RILPL2: variants seen among roughly 807,000 people sequenced by gnomAD.
RILPL2 encodes Rab interacting lysosomal protein like 2.
Under a neutral mutation model 22.2 loss-of-function variants are expected in RILPL2, and 19 were observed. That is an observed-to-expected ratio of 0.86 (90% CI 0.60 to 1.25). The LOEUF (loss-of-function observed/expected upper bound fraction) is 1.25. Ranked by LOEUF, RILPL2 falls within the 50% of genes most tolerant of loss-of-function variation. RILPL2 has a pLI of 0.00. For synonymous variants in RILPL2, 123 were observed against 111.6 expected (o/e 1.10, Z -0.64); for missense variants, 243 against 263.6 (o/e 0.92, Z 0.54).
chr12:123,421,065 CAG>C (rs542559584), intron 3 of RILPL2, among the ~76,000 whole-genome samples: 361 of 145,606 alleles, frequency 2.5e-3, no homozygotes, highest in Admixed American at 3.6e-3. Context: ...TTTTTTGAGA[CAG>C]GGTCTCACTC....
downstream of RILPL2, among the ~76,000 whole-genome samples, chr12:123,410,255 C>A (rs1450811660): frequency 6.6e-6 from 1 of 152,176 alleles, no homozygotes; most frequent in Non-Finnish European, 1.5e-5. Flanking sequence ...CTTGATGATT[C>A]TCAGGAGGCT....
intron 1 of RILPL2, among the ~76,000 whole-genome samples, chr12:123,432,998 A>G (rs1879694162): frequency 6.6e-6 from 1 of 152,122 alleles, no homozygotes; most frequent in South Asian, 2.1e-4. Flanking sequence ...GAAGAAGAAG[A>G]AGAAGAAGAA....
chr12:123,428,428 G>A (rs960972558), intron 2 of RILPL2, among the ~76,000 whole-genome samples: 2 of 152,142 alleles, frequency 1.3e-5, no homozygotes, highest in African/African-American at 2.4e-5. Flanking sequence ...GAGCCACCGC[G>A]CCCGGCCCTG....
intron 3 of RILPL2, among the ~76,000 whole-genome samples, chr12:123,419,661 A>C (rs903028818): frequency 3.4e-5 from 5 of 147,142 alleles, no homozygotes; most frequent in Non-Finnish European, 5.9e-5. Context: ...GCTGGAGTGC[A>C]GGGGTGTGAT....
At chr12:123,434,954 C>G (rs1364999856) in intron 1 of RILPL2, among the ~76,000 whole-genome samples, 1 of 150,744 alleles carries the variant, frequency 6.6e-6, no homozygotes, top group Non-Finnish European at 1.5e-5. Context: ...GTGGGTGGGT[C>G]ACTTGAGGCC....
intron 3 of RILPL2, among the ~76,000 whole-genome samples, chr12:123,417,705 C>T (rs1879157232): frequency 6.6e-6 from 1 of 152,210 alleles, no homozygotes; most frequent in Non-Finnish European, 1.5e-5. Context: ...CCTGCCTCAG[C>T]CTCCTGAGTA....
intron 1 of RILPL2, among the ~76,000 whole-genome samples, chr12:123,433,977 A>T (rs1289546336): frequency 2.6e-5 from 4 of 152,196 alleles, no homozygotes; most frequent in Non-Finnish European, 5.9e-5. Flanking sequence ...AAATTACTTA[A>T]CTGTTCTGTG....
At chr12:123,432,179 A>G (rs961758426) in intron 1 of RILPL2, among the ~76,000 whole-genome samples, 7 of 152,038 alleles carry the variant, frequency 4.6e-5, no homozygotes, top group African/African-American at 1.4e-4. Flanking sequence ...TTACAGGCAT[A>G]AGCCACCACG....
At position 123,436,331 on chromosome 12, in the gene RILPL2, GC is replaced by G; in HGVS notation, c.89del (p.Gly30AlafsTer7). On this transcript the variant is annotated frameshift_variant, in exon 1 of 4. Coordinates refer to ENST00000280571, the MANE Select transcript of RILPL2 (RefSeq NM_145058.3). LOFTEE classifies it high-confidence loss of function. This position sits in a 1 kb window ranked among gnomAD's most constrained non-coding sequence, Gnocchi z 6.7. ...RDEVGPEGAL[G>X]KSPFQLTAED... ...CGGCGGTCAGCTGGAAGGGGCTCTT[GC>G]CCAGCGCCCCCTCGGGCCCAACCTC... 6.4e-7 allele frequency: 1 copy of G among 1,572,884 alleles called. No homozygotes were observed.
intron 1 of RILPL2, among the ~76,000 whole-genome samples, chr12:123,434,718 A>G (rs1449228507): frequency 6.6e-6 from 1 of 151,618 alleles, no homozygotes; most frequent in Non-Finnish European, 1.5e-5. Context: ...GAGTCACAGC[A>G]CCCAGCCAGA....
intron 3 of RILPL2, among the ~76,000 whole-genome samples, chr12:123,421,191 G>A (rs1879273091): frequency 6.6e-6 from 1 of 151,660 alleles, no homozygotes; most frequent in African/African-American, 2.4e-5. Context: ...TAAGGCGAAC[G>A]CCACTACCAC....
rs148837569 is a variant in RILPL2 at position 123,436,392 on chromosome 12, T to C, written c.29A>G (p.Glu10Gly). Residue 10 changes from glutamate (E) to glycine (G), a missense_variant, in exon 1 of 4, where the codon GAA (glutamate) becomes GGA (glycine). Physicochemically the swap from Glu to Gly is moderately conservative, Grantham distance 98. Coordinates refer to ENST00000280571, the MANE Select transcript of RILPL2 (RefSeq NM_145058.3). This position sits in a 1 kb window ranked among gnomAD's most constrained non-coding sequence, Gnocchi z 6.7. ...CTCGTCCTCCTCTCCCTCCTCCTCTTCCTCTTCTCGCACAGGGGGCTCCTC... is the reference window on the plus strand; with the variant it reads ...CTCGTCCTCCTCTCCCTCCTCCTCTCCCTCTTCTCGCACAGGGGGCTCCTC... Reference protein sequence around the residue: MEEPPVREEEEEEGEEDEER... With the variant: MEEPPVREEGEEEGEEDEER... 9.7e-6 allele frequency: 15 copies of C among 1,550,560 alleles called. No homozygotes were observed. In the African/African-American group the frequency reaches 1.4e-4, roughly 14 times the overall value.
intron 3 of RILPL2, among the ~76,000 whole-genome samples, chr12:123,417,538 C>T (rs568413360): frequency 2.0e-5 from 3 of 152,240 alleles, no homozygotes; most frequent in East Asian, 3.9e-4. Context: ...TCCAATCCCA[C>T]CTCCATTCTC....
At chr12:123,410,851 G>A (rs558320342), downstream of RILPL2, 1 of 152,156 alleles carries the variant, frequency 6.6e-6, no homozygotes, top group South Asian at 2.1e-4. Flanking sequence ...GCTAATAAGT[G>A]CCTCCAAGTT....
At chr12:123,415,977 C>T (rs1039808838) in intron 3 of RILPL2, 56 bp from the exon 4 acceptor site, 1 of 1,568,868 alleles carries the variant, frequency 6.4e-7, no homozygotes. Flanking sequence ...GCAAGGGGCA[C>T]AGCAACCCCC....
intron 3 of RILPL2, 90 bp downstream of exon 3, chr12:123,422,954 C>A: frequency 2.2e-6 from 2 of 895,844 alleles, no homozygotes; most frequent in Non-Finnish European, 3.7e-6. Context: ...GCCCTCCCTG[C>A]CCTGGGCAGC....
chr12:123,416,316 A>G lies in RILPL2; in HGVS notation c.606-395T>C, dbSNP rs568427258. ...TCCAGCCTGGGCGACAGAGCAAGACACTATCTCAAAAGAAAAAGAAAAAGC... is the reference window on the plus strand; with the variant it reads ...TCCAGCCTGGGCGACAGAGCAAGACGCTATCTCAAAAGAAAAAGAAAAAGC... On this transcript the variant is annotated intron_variant, in intron 3 of 3. Transcript: ENST00000280571. 4.2e-5 allele frequency among the ~76,000 whole-genome samples: 6 copies of G among 142,878 alleles called. No homozygotes were observed. The South Asian group carries it at 6.8e-4, about 16-fold the overall frequency. 93.7% of individuals were successfully genotyped at this position (142,878 alleles called of 152,430 possible).
At chr12:123,419,847 G>T (rs1193795150) in intron 3 of RILPL2, among the ~76,000 whole-genome samples, 1 of 151,544 alleles carries the variant, frequency 6.6e-6, no homozygotes, top group Non-Finnish European at 1.5e-5. Flanking sequence ...AGGCTGGAGT[G>T]CAGTGGTGCG....
chr12:123,409,598 A>G, the RILPL2 span, among the ~76,000 whole-genome samples: 1 of 146,408 alleles, frequency 6.8e-6, no homozygotes, highest in Admixed American at 6.9e-5. Context: ...GCTGGAGTTC[A>G]GTGGGGCAGT....
Sources: allele counts gnomAD v4.1 joint callset (sites outside exome capture counted in the v4.1 genomes callset), GRCh38; gene constraint gnomAD v4.1.1; non-coding constraint Gnocchi (gnomAD v3.1); transcripts MANE v1.5; gene names NCBI Gene and HGNC (gene_info 2026-07-23, HGNC 2026-07-21).